Variants in PCDHA2 observed in about 807,000 individuals in gnomAD.
PCDHA2 encodes the protein protocadherin alpha-2.
In PCDHA2, 58 loss-of-function variants were observed where a neutral mutation model predicts 66.0. The ratio of observed to expected loss-of-function variants is 0.88; its 90% CI spans 0.71 to 1.09. The LOEUF (loss-of-function observed/expected upper bound fraction) is 1.09, where lower values mean the gene tolerates loss of function less well. Among genes scored for constraint, PCDHA2 ranks in the 50% least tolerant of loss-of-function variants. The pLI, the probability that PCDHA2 is intolerant of heterozygous loss-of-function variation, is 0.00. For synonymous variants in PCDHA2, 634 were observed against 554.0 expected (o/e 1.14, Z -2.03); for missense variants, 1,267 against 1,242.3 (o/e 1.02, Z -0.30).
At chr5:140,873,008 A>G (rs1455373788) in intron 1 of PCDHA2, among the ~76,000 whole-genome samples, 2 of 152,166 alleles carry the variant, frequency 1.3e-5, no homozygotes, top group African/African-American at 4.8e-5. Flanking sequence ...GTCATTCTTC[A>G]TATTTAGTTA....
chr5:140,967,073 G>C (rs1554229137), intron 1 of PCDHA2: 1 of 1,613,160 alleles, frequency 6.2e-7, no homozygotes, highest in Non-Finnish European at 8.5e-7. Context: ...CTTCGTCAAC[G>C]AGCGCATTGA....
intron 3 of PCDHA2, among the ~76,000 whole-genome samples, chr5:140,991,311 G>A (rs1036350235): frequency 3.3e-5 from 5 of 152,108 alleles, no homozygotes; most frequent in Admixed American, 2.0e-4. Context: ...ATCTTGTCCC[G>A]CATGATACAT....
In PCDHA2 at chr5:140,795,633, G is replaced by A. The variant is rs1761976689; in HGVS notation, c.669G>A (p.Thr223=). 1.2e-6 allele frequency: 2 copies of A among 1,614,126 alleles called. No individual in the cohort carries two copies. The highest frequency in any genetic ancestry group is 8.5e-7 in the Non-Finnish European group (1 of 1,180,020). Residue 223 remains threonine (T), a synonymous_variant, in exon 1 of 4, where the codon ACG becomes ACA. Transcript: ENST00000526136. ...VATDGGKPEL[T]GTVQILIKVL... is the part of the protein sequence containing the mutation. ...CTGATGGGGGCAAACCTGAGCTCACGGGCACCGTTCAAATACTTATTAAGG... is the reference window on the plus strand; with the variant it reads ...CTGATGGGGGCAAACCTGAGCTCACAGGCACCGTTCAAATACTTATTAAGG...
At chr5:140,845,285 A>G (rs1237210455) in intron 1 of PCDHA2, among the ~76,000 whole-genome samples, 1 of 149,314 alleles carries the variant, frequency 6.7e-6, no homozygotes, top group East Asian at 1.9e-4. Context: ...AATATTTCCT[A>G]TCCTGTCTAT....
At chr5:140,880,842 T>C (rs1554171525) in intron 1 of PCDHA2, among the ~76,000 whole-genome samples, 1 of 152,194 alleles carries the variant, frequency 6.6e-6, no homozygotes, top group East Asian at 1.9e-4. Flanking sequence ...TTTAAATGGT[T>C]GACTATGTAG....
intron 1 of PCDHA2, chr5:140,852,246 CTT>C (rs1364833790): frequency 5.5e-6 from 3 of 546,116 alleles, no homozygotes; most frequent in Admixed American, 6.5e-5. Context: ...TTAAAACACA[CTT>C]TTGGAATATG....
chr5:140,912,261 C>T (rs2075834049), intron 1 of PCDHA2, among the ~76,000 whole-genome samples: 2 of 152,116 alleles, frequency 1.3e-5, no homozygotes, highest in Non-Finnish European at 2.9e-5. Context: ...TTGATGACAC[C>T]CTCACAGATA....
At chr5:140,819,016 G>A (rs2150052012) in intron 1 of PCDHA2, among the ~76,000 whole-genome samples, 1 of 152,254 alleles carries the variant, frequency 6.6e-6, no homozygotes, top group African/African-American at 2.4e-5. Context: ...ATATAATATG[G>A]ATATTTTAGC....
rs1554120023 is a variant in PCDHA2 at position 140,796,641 on chromosome 5, C to T, written c.1677C>T (p.Asn559=). The T allele has an allele frequency of 1.2e-6, 2 of 1,613,788 alleles. No individual in the cohort carries two copies. The highest frequency in any genetic ancestry group is 1.7e-6 in the Non-Finnish European group (2 of 1,179,882). The change falls in exon 1 of 4, where the codon AAC becomes AAT. Residue 559 remains asparagine, a synonymous_variant. Transcript: ENST00000526136. The part of the protein sequence containing the change: ...VTLQVFVLDE[N]DNAPALLAPR... ...TGCAGGTGTTCGTGCTGGACGAGAA[C>T]GACAACGCGCCGGCACTGTTGGCGC...
At chr5:140,864,187 AT>A (rs2153225210) in intron 1 of PCDHA2, 1 of 152,208 alleles carries the variant, frequency 6.6e-6, no homozygotes, top group East Asian at 1.9e-4. Context: ...ATGAATAATG[AT>A]CCTTATGAGA....
chr5:140,925,151 T>G (rs1378736882), intron 1 of PCDHA2, among the ~76,000 whole-genome samples: 3 of 151,748 alleles, frequency 2.0e-5, no homozygotes, highest in African/African-American at 7.3e-5. Context: ...ACACAAAAGT[T>G]GAGAGAATTG....
At chr5:140,852,683 T>C (rs2042437090) in intron 1 of PCDHA2, 5 of 971,736 alleles carry the variant, frequency 5.1e-6, no homozygotes, top group Non-Finnish European at 6.2e-6. Flanking sequence ...ACCTTGAATA[T>C]AGTCTTATAC....
At chr5:141,008,837 C>T (rs1460664317) in intron 3 of PCDHA2, among the ~76,000 whole-genome samples, 10 of 152,178 alleles carry the variant, frequency 6.6e-5, no homozygotes, top group South Asian at 2.1e-4. Flanking sequence ...CATCCTCTTA[C>T]GCTGTGTATT....
intron 1 of PCDHA2, among the ~76,000 whole-genome samples, chr5:140,800,620 G>A (rs1762582323): frequency 6.6e-6 from 1 of 152,118 alleles, no homozygotes; most frequent in African/African-American, 2.4e-5. Context: ...AAATCCCATC[G>A]TACCAAGAGA....
intron 1 of PCDHA2, among the ~76,000 whole-genome samples, chr5:140,915,369 G>GTC (rs2077091836): frequency 6.6e-6 from 1 of 152,160 alleles, no homozygotes; most frequent in Admixed American, 6.5e-5. Context: ...ACCAGTAAGT[G>GTC]TCTCGGCATT....
intron 1 of PCDHA2, chr5:140,929,227 G>T (rs141300036): frequency 1.2e-6 from 2 of 1,613,774 alleles, no homozygotes; most frequent in Non-Finnish European, 1.7e-6. Context: ...CAATGCTGCC[G>T]ACCTGCGAAA....
intron 1 of PCDHA2, among the ~76,000 whole-genome samples, chr5:140,959,938 G>T (rs937975013): frequency 6.6e-6 from 1 of 152,130 alleles, no homozygotes; most frequent in Non-Finnish European, 1.5e-5. Flanking sequence ...CATTACTTAG[G>T]CAGAATATCA....
At chr5:140,869,479 A>G (rs781927972) in intron 1 of PCDHA2, 35 of 1,614,086 alleles carry the variant, frequency 2.2e-5, no homozygotes, top group Middle Eastern at 1.6e-4. Context: ...GGTGAAGGAC[A>G]TTAACGACAA....
At chr5:140,857,006 G>A (rs1365266931) in intron 1 of PCDHA2, 2 of 1,595,206 alleles carry the variant, frequency 1.3e-6, no homozygotes, top group East Asian at 2.2e-5. Flanking sequence ...AATTCATGTA[G>A]ATGTTACAGA....
Sources: gnomAD v4.1 joint callset for allele counts (sites outside exome capture counted in the v4.1 genomes callset) on GRCh38, gnomAD v4.1.1 for gene constraint, MANE v1.5 for transcripts, NCBI Gene and HGNC (gene_info 2026-07-23, HGNC 2026-07-21) for gene names.